AGPAT5: variants seen among roughly 807,000 people sequenced by gnomAD.
AGPAT5 encodes 1-acylglycerol-3-phosphate O-acyltransferase 5, also known as 1-acyl-sn-glycerol-3-phosphate acyltransferase epsilon.
Under a neutral mutation model 45.6 loss-of-function variants are expected in AGPAT5, and 46 were observed. The ratio of observed to expected loss-of-function variants is 1.01; its 90% CI spans 0.80 to 1.29. The LOEUF (loss-of-function observed/expected upper bound fraction) is 1.29, where lower values mean the gene tolerates loss of function less well. Among genes scored for constraint, AGPAT5 ranks in the 50% most tolerant of loss-of-function variants. The pLI is 0.00. For synonymous variants in AGPAT5, 272 were observed against 167.0 expected, an observed-to-expected ratio of 1.63 and a Z score of -4.85; for missense variants, 673 against 450.7, an observed-to-expected ratio of 1.49 and a Z score of -4.47.
At position 6,732,652 on chromosome 8, in the gene AGPAT5, T is replaced by G; in HGVS notation, c.495+2T>G. ...AGCTACGTGGACGCAGGAACTCCAGTAAGAGCCTACCCGTTTTTATTTTTC... is the reference window on the plus strand; with the variant it reads ...AGCTACGTGGACGCAGGAACTCCAGGAAGAGCCTACCCGTTTTTATTTTTC... On this transcript the variant is annotated splice_donor_variant, in intron 4 of 7. Coordinates refer to ENST00000285518, the MANE Select transcript of AGPAT5 (RefSeq NM_018361.5). LOFTEE classifies it high-confidence loss of function. The G allele has an allele frequency of 6.3e-7, 1 of 1,593,876 alleles. No individual in the cohort carries two copies. Among genetic ancestry groups the G allele is most frequent in the Non-Finnish European group, 8.5e-7 (1 of 1,174,230 alleles).
Position 6,757,779 on chromosome 8 carries a change from A to G in AGPAT5, c.*391A>G, listed in dbSNP as rs1314577172. The G allele has an allele frequency of 6.2e-6, 1 of 162,180 alleles. No homozygotes were observed. The highest frequency in any genetic ancestry group is 2.4e-5 in the African/African-American group (1 of 41,618). The allele number at this position is 162,180 out of a possible 1,614,324, so 10.0% of individuals were successfully genotyped here. On this transcript the variant is annotated 3_prime_UTR_variant, in exon 8 of 8. Transcript: ENST00000285518. ...AATTTATTACAACTTGACAGCTCCAAGCTCTTATTACTAAAGTATTTAGTA... is the reference window on the plus strand; with the variant it reads ...AATTTATTACAACTTGACAGCTCCAGGCTCTTATTACTAAAGTATTTAGTA...
chr8:6,716,057 C>G (rs755258429), intron 1 of AGPAT5, among the ~76,000 whole-genome samples: 13 of 152,166 alleles, frequency 8.5e-5, no homozygotes, highest in African/African-American at 2.2e-4. Flanking sequence ...CTCTGGAATT[C>G]CAACTCAAGC....
intron 2 of AGPAT5, among the ~76,000 whole-genome samples, chr8:6,727,901 G>T (rs1276999105): frequency 5.3e-5 from 8 of 152,190 alleles, no homozygotes; most frequent in Non-Finnish European, 1.2e-4. Flanking sequence ...TATTGGTAAG[G>T]TGTGAGTGAT....
chr8:6,730,463 T>A lies in AGPAT5; in HGVS notation c.290-248T>A. Among the ~76,000 whole-genome samples, 2 of 48,042 alleles carry A rather than the reference T, an allele frequency of 4.2e-5. 1 individual carries two copies. Among genetic ancestry groups the A allele is most frequent in the Non-Finnish European group, 6.4e-5 (2 of 31,226 alleles). The allele number at this position is 48,042 out of a possible 152,430, so 31.5% of individuals were successfully genotyped here. A position where few individuals can be genotyped will look rare whatever the true frequency, so the allele number is the denominator to read the frequency against. ...CTCCTGCCTCAGCCTCCCGAGTAGC[T>A]GGGACTACAGGCGCCCGCCACCTCG... is the stretch of plus-strand genomic sequence containing the variant. On this transcript the variant is annotated intron_variant, in intron 2 of 7. Transcript: ENST00000285518.
rs1414337930 is a variant in AGPAT5, at chr8:6,757,591, G to T, written c.*203G>T. 5.6e-6 allele frequency: 3 copies of T among 538,086 alleles called. No individual in the cohort carries two copies. Among genetic ancestry groups the T allele is most frequent in the African/African-American group, 3.8e-5 (2 of 52,860 alleles). The allele number at this position is 538,086 out of a possible 1,614,324, so 33.3% of individuals were successfully genotyped here. On this transcript the variant is annotated 3_prime_UTR_variant, in exon 8 of 8. Transcript: ENST00000285518. ...CTGGTTGTACAACTTTAGCATCGGG[G>T]CTGCTGGAAGGGTAAAAGCTAAATG...
chr8:6,739,001 G>A (rs903739120), intron 4 of AGPAT5, among the ~76,000 whole-genome samples: 1 of 151,948 alleles, frequency 6.6e-6, no homozygotes, highest in African/African-American at 2.4e-5. Flanking sequence ...TTCATATGGT[G>A]TAAGATCGAA....
chr8:6,728,207 T>A (rs530337190), intron 2 of AGPAT5, among the ~76,000 whole-genome samples: 2 of 152,356 alleles, frequency 1.3e-5, no homozygotes, highest in African/African-American at 4.8e-5. Context: ...TTGGCTTGAT[T>A]GCCATGGAAG....
At chr8:6,753,723 A>G (rs1396460753) in intron 6 of AGPAT5, among the ~76,000 whole-genome samples, 1 of 152,228 alleles carries the variant, frequency 6.6e-6, no homozygotes, top group Non-Finnish European at 1.5e-5. Flanking sequence ...CAGTTCTTTG[A>G]TTATTCAGAT....
intron 5 of AGPAT5, among the ~76,000 whole-genome samples, chr8:6,742,517 G>T (rs564365934): frequency 6.6e-6 from 1 of 152,264 alleles, no homozygotes; most frequent in African/African-American, 2.4e-5. Context: ...CAAATACCTT[G>T]TTGGTGACAT....
intron 5 of AGPAT5, among the ~76,000 whole-genome samples, chr8:6,742,288 T>C (rs1056891490): frequency 3.3e-5 from 5 of 152,236 alleles, no homozygotes; most frequent in Admixed American, 1.3e-4. Context: ...ACAAAGTTGG[T>C]CCACAGTGCT....
At chr8:6,732,540 C>A in intron 3 of AGPAT5, 21 bp from the exon 4 acceptor site, 1 of 1,574,208 alleles carries the variant, frequency 6.4e-7, no homozygotes, top group Non-Finnish European at 8.6e-7. Context: ...AATGCTCTTT[C>A]TCCCGATTTG....
rs368421419 is a variant in AGPAT5 at position 6,730,573 on chromosome 8, G to A, written c.290-138G>A. The A allele has an allele frequency of 3.6e-4, 103 of 288,108 alleles. 32 individuals are homozygous for A. Among genetic ancestry groups the A allele is most frequent in the South Asian group, 2.2e-3 (37 of 16,612 alleles). The allele number at this position is 288,108 out of a possible 1,614,324, so 17.8% of individuals were successfully genotyped here. ...TCTCGATCTCCTGACCTCGTGATCC[G>A]CCCGCCTCGGCCTCCCAAAGTGCTG... is the stretch of plus-strand genomic sequence containing the variant. On this transcript the variant is annotated intron_variant, in intron 2 of 7. Coordinates refer to ENST00000285518, the MANE Select transcript of AGPAT5 (RefSeq NM_018361.5).
intron 1 of AGPAT5, among the ~76,000 whole-genome samples, chr8:6,713,924 T>C (rs1415839004): frequency 6.6e-6 from 1 of 152,214 alleles, no homozygotes; most frequent in Non-Finnish European, 1.5e-5. Flanking sequence ...GGATCTTTCT[T>C]TGTGTAGCAC....
chr8:6,747,372 A>G (rs1057441642), intron 5 of AGPAT5, among the ~76,000 whole-genome samples: 1 of 152,204 alleles, frequency 6.6e-6, no homozygotes, highest in Non-Finnish European at 1.5e-5. Context: ...CGAGGGCACT[A>G]ATATTTACCC....
intron 1 of AGPAT5, among the ~76,000 whole-genome samples, chr8:6,711,570 A>G (rs975397396): frequency 6.6e-6 from 1 of 152,218 alleles, no homozygotes; most frequent in Non-Finnish European, 1.5e-5. Context: ...TACTGTGTTG[A>G]GAGGCATTGA....
chr8:6,728,664 C>G (rs2116890688), intron 2 of AGPAT5, among the ~76,000 whole-genome samples: 1 of 152,232 alleles, frequency 6.6e-6, no homozygotes, highest in South Asian at 2.1e-4. Flanking sequence ...AATGCTAAAC[C>G]TGGTTTTTAA....
At chr8:6,750,275 C>A (rs185581456) in intron 6 of AGPAT5, among the ~76,000 whole-genome samples, 75 of 152,292 alleles carry the variant, frequency 4.9e-4, no homozygotes, top group African/African-American at 1.8e-3. Flanking sequence ...TTGAGGAAGC[C>A]AAAACCTTCT....
chr8:6,753,263 A>G (rs1213158867), intron 6 of AGPAT5, among the ~76,000 whole-genome samples: 4 of 152,160 alleles, frequency 2.6e-5, no homozygotes, highest in South Asian at 2.1e-4. Flanking sequence ...GAAGCATTCT[A>G]TTTCTGACAT....
At position 6,713,882 on chromosome 8, in the gene AGPAT5, C is replaced by T. The variant is rs534208627; in HGVS notation, c.219+4995C>T. 1.9e-4 allele frequency among the ~76,000 whole-genome samples: 29 copies of T among 152,324 alleles called. No individual in the cohort carries two copies. In the South Asian group the frequency reaches 5.2e-3, roughly 27 times the overall value. On this transcript the variant is annotated intron_variant, in intron 1 of 7. Transcript: ENST00000285518. ...TTGTTCCAAGTTTCTCAGAAACAGT[C>T]AAGGCTTTTTATCTAGAGAACATTT... is the stretch of plus-strand genomic sequence containing the variant.
Sources: gnomAD v4.1 joint callset for allele counts (sites outside exome capture counted in the v4.1 genomes callset) on GRCh38, gnomAD v4.1.1 for gene constraint, MANE v1.5 for transcripts, NCBI Gene and HGNC (gene_info 2026-07-23, HGNC 2026-07-21) for gene names.